Variants in ZNF326 observed in about 807,000 individuals in gnomAD.
ZNF326 encodes DBIRD complex subunit ZNF326.
ZNF326 carries 30 observed loss-of-function variants against 63.1 expected under a neutral mutation model. That is an observed-to-expected ratio of 0.48 (90% CI 0.36 to 0.64). The LOEUF (loss-of-function observed/expected upper bound fraction) is 0.64. Among genes scored for constraint, ZNF326 ranks in the 30% least tolerant of loss-of-function variants. The probability of loss-of-function intolerance (pLI) is 0.00; values close to 1 mark genes in which losing one functional copy is unlikely to be tolerated. For synonymous variants in ZNF326, 194 were observed against 228.2 expected, an observed-to-expected ratio of 0.85 and a Z score of 1.35; for missense variants, 609 against 720.3, an observed-to-expected ratio of 0.85 and a Z score of 1.77.
At chr1:90,003,856 A>G (rs1648820039) in intron 2 of ZNF326, among the ~76,000 whole-genome samples, 2 of 152,248 alleles carry the variant, frequency 1.3e-5, no homozygotes, top group South Asian at 2.1e-4. Flanking sequence ...TTTGAGTACT[A>G]TTTTTATAAA....
intron 6 of ZNF326, among the ~76,000 whole-genome samples, chr1:90,011,067 A>G (rs1452746560): frequency 2.0e-5 from 3 of 152,192 alleles, no homozygotes; most frequent in Admixed American, 6.5e-5. Context: ...TCAAAGATAT[A>G]TTTTGCACGT....
intron 10 of ZNF326, 37 bp from the exon 11 acceptor site, chr1:90,022,213 G>A (rs1294317420): frequency 7.0e-7 from 1 of 1,437,794 alleles, no homozygotes; most frequent in African/African-American, 1.4e-5. Flanking sequence ...TCATGGCATG[G>A]TTTTCAAGAA....
At chr1:90,018,269 G>T (rs1239293840) in intron 8 of ZNF326, among the ~76,000 whole-genome samples, 1 of 150,692 alleles carries the variant, frequency 6.6e-6, no homozygotes, top group African/African-American at 2.4e-5. Context: ...TCCAGCCTGG[G>T]TGACAGAGCG....
intron 2 of ZNF326, 60 bp downstream of exon 2, chr1:89,998,214 AGG>A: frequency 6.5e-7 from 1 of 1,537,292 alleles, no homozygotes; most frequent in South Asian, 1.1e-5. Flanking sequence ...TCAATGTAAA[AGG>A]CCAGTTCTAC....
intron 8 of ZNF326, among the ~76,000 whole-genome samples, chr1:90,017,695 C>T (rs1274702703): frequency 6.6e-6 from 1 of 152,180 alleles, no homozygotes; most frequent in Non-Finnish European, 1.5e-5. Context: ...CGGGAGGTGT[C>T]CTTTAACAAC....
At chr1:90,019,756 T>C (rs1274272660) in intron 9 of ZNF326, among the ~76,000 whole-genome samples, 1 of 152,134 alleles carries the variant, frequency 6.6e-6, no homozygotes, top group African/African-American at 2.4e-5. Flanking sequence ...GTCTTACACA[T>C]CTAACTGCCT....
At chr1:90,024,980 G>GTTT (rs563668519) in intron 11 of ZNF326, among the ~76,000 whole-genome samples, 62 of 128,508 alleles carry the variant, frequency 4.8e-4, no homozygotes, top group Non-Finnish European at 6.7e-4. Context: ...TTTTTTTCCT[G>GTTT]TTTTTTTTTT....
Position 90,022,362 on chromosome 1 carries a change from A to G in ZNF326, c.1401+17A>G, listed in dbSNP as rs202012477. ...TTTGTTAAGGTAAGATTTTAGGGCA[A>G]AAACCTTTTCAATAATATTGTAGTA... On this transcript the variant is annotated intron_variant, in intron 11 of 11. Transcript: ENST00000340281. 1.3e-6 allele frequency: 2 copies of G among 1,572,740 alleles called. No individual in the cohort carries two copies. Among genetic ancestry groups the G allele is most frequent in the Non-Finnish European group, 1.7e-6 (2 of 1,146,014 alleles).
At chr1:90,009,198 T>C (rs1308154346) in intron 5 of ZNF326, among the ~76,000 whole-genome samples, 2 of 152,282 alleles carry the variant, frequency 1.3e-5, no homozygotes, top group South Asian at 4.1e-4. Flanking sequence ...CTTTTCTTTC[T>C]TTCCTCCTGT....
intron 4 of ZNF326, chr1:90,006,046 G>C (rs1648968697): frequency 2.0e-6 from 2 of 985,290 alleles, no homozygotes; most frequent in Admixed American, 6.1e-5. Flanking sequence ...GTAGACATGT[G>C]AAACAGTCAT....
rs377312349 is a variant in ZNF326, at chr1:90,021,471, T to C, written c.1305+549T>C. 1.6e-3 allele frequency among the ~76,000 whole-genome samples: 244 copies of C among 152,272 alleles called. 6 individuals carry two copies. The highest frequency in any genetic ancestry group is 5.5e-3 in the African/African-American group (230 of 41,588). ...TACATTTAAAAACAGCATTATCAGC[T>C]AGCATCTATTCTTACATTTTTTAGT... On this transcript the variant is annotated intron_variant, in intron 10 of 11. Transcript: ENST00000340281.
At chr1:90,013,104 AC>A in intron 6 of ZNF326, 21 bp from the exon 7 acceptor site, 1 of 1,584,806 alleles carries the variant, frequency 6.3e-7, no homozygotes, top group East Asian at 2.2e-5. Context: ...TTTAGCTTTT[AC>A]TTTTTTGTGT....
chr1:90,010,521 A>G (rs1649187671), intron 6 of ZNF326, among the ~76,000 whole-genome samples: 1 of 152,076 alleles, frequency 6.6e-6, no homozygotes, highest in Admixed American at 6.6e-5. Context: ...GTGGTTGTGT[A>G]TCAAACCCTC....
intron 2 of ZNF326, among the ~76,000 whole-genome samples, chr1:90,000,185 C>T (rs1034887886): frequency 3.3e-5 from 5 of 152,002 alleles, no homozygotes; most frequent in Admixed American, 6.6e-5. Flanking sequence ...AGAAGACTTA[C>T]GGGCTTTAAG....
At chr1:90,003,140 T>C (rs1648774063) in intron 2 of ZNF326, among the ~76,000 whole-genome samples, 1 of 151,690 alleles carries the variant, frequency 6.6e-6, no homozygotes. Context: ...TTTTTTTTTT[T>C]TTTTTCTTTG....
At chr1:90,024,980 GTTT>G (rs563668519) in intron 11 of ZNF326, among the ~76,000 whole-genome samples, 17 of 128,536 alleles carry the variant, frequency 1.3e-4, no homozygotes, top group African/African-American at 5.0e-4. Context: ...TTTTTTTCCT[GTTT>G]TTTTTTTTTT....
chr1:90,014,486 A>G (rs889883603), intron 7 of ZNF326, among the ~76,000 whole-genome samples: 19 of 152,370 alleles, frequency 1.2e-4, no homozygotes, highest in South Asian at 6.2e-4. Context: ...AATTTAAATA[A>G]TAGTATGCCA....
At chr1:90,018,883 A>G in intron 9 of ZNF326, 99 bp downstream of exon 9, 1 of 587,416 alleles carries the variant, frequency 1.7e-6, no homozygotes, top group Non-Finnish European at 2.8e-6. Flanking sequence ...GATATAGTAC[A>G]GTCATATATA....
chr1:90,025,304 T>C (rs1390417685), intron 11 of ZNF326, among the ~76,000 whole-genome samples: 1 of 152,094 alleles, frequency 6.6e-6, no homozygotes, highest in Non-Finnish European at 1.5e-5. Flanking sequence ...CAAAAATGCT[T>C]CTCTTATTTT....
Sources: gnomAD v4.1 joint callset for allele counts (sites outside exome capture counted in the v4.1 genomes callset) on GRCh38, gnomAD v4.1.1 for gene constraint, MANE v1.5 for transcripts, NCBI Gene and HGNC (gene_info 2026-07-23, HGNC 2026-07-21) for gene names.